Variants in AFAP1 observed in about 807,000 individuals in gnomAD.
AFAP1 encodes the protein actin filament associated protein 1, also known as actin filament-associated protein 1.
A neutral mutation model predicts 93.9 loss-of-function variants in AFAP1; 75 were observed. That is an observed-to-expected ratio of 0.80 (90% CI 0.66 to 0.97). The LOEUF (loss-of-function observed/expected upper bound fraction) is 0.97, where lower values mean the gene tolerates loss of function less well. Ranked by LOEUF, AFAP1 falls within the 50% of genes least tolerant of loss-of-function variation. AFAP1 has a pLI of 0.00. For missense variants in AFAP1, 1,201 were observed against 1,050.8 expected (o/e 1.14, Z -1.98); for synonymous variants, 517 against 430.7 (o/e 1.20, Z -2.48).
In AFAP1 at chr4:7,939,680, C is replaced by A; in HGVS notation, c.-27G>T. 2.4e-6 allele frequency: 1 copy of A among 416,656 alleles called. No homozygotes were observed. The highest frequency in any genetic ancestry group is 1.6e-5 in the South Asian group (1 of 60,906). 25.8% of individuals were successfully genotyped at this position (416,656 alleles called of 1,614,324 possible). ...CCTCAGGCCGCCACCTCGCAGCGCT[C>A]GCTCCTCGCCGCGGCGCCTGGGCCG... On this transcript the variant is annotated 5_prime_UTR_variant, in exon 1 of 18. Coordinates refer to ENST00000420658, the MANE Select transcript of AFAP1 (RefSeq NM_001134647.2). The surrounding 1 kb of genome is among the most constrained non-coding windows in gnomAD (Gnocchi z 5.6).
At chr4:7,905,999 A>T (rs989761872) in intron 1 of AFAP1, among the ~76,000 whole-genome samples, 2 of 152,212 alleles carry the variant, frequency 1.3e-5, no homozygotes, top group African/African-American at 4.8e-5. Flanking sequence ...GCCTGCTGAA[A>T]TGCCCATGCA....
At chr4:7,862,953 C>A (rs560631074) in intron 3 of AFAP1, among the ~76,000 whole-genome samples, 7 of 152,312 alleles carry the variant, frequency 4.6e-5, no homozygotes, top group African/African-American at 1.7e-4. Context: ...CTTTAGCAAG[C>A]CGGCTGCTTG....
intron 3 of AFAP1, among the ~76,000 whole-genome samples, chr4:7,864,166 C>CTTCCCAACTGCCCATCACA (rs1257426017): frequency 2.0e-5 from 3 of 151,978 alleles, no homozygotes; most frequent in African/African-American, 2.4e-5. Context: ...CATCACAACC[C>CTTCCCAACTGCCCATCACA]ACAGGTCCTT....
chr4:7,876,388 C>T (rs532947770), intron 1 of AFAP1, among the ~76,000 whole-genome samples: 29 of 152,336 alleles, frequency 1.9e-4, no homozygotes, highest in African/African-American at 6.5e-4. Context: ...ATTGGACGGC[C>T]GGATTCCAAG....
At position 7,938,505 on chromosome 4, in the gene AFAP1, G is replaced by C. The variant is rs116656376; in HGVS notation, c.-3+1151C>G. Among the ~76,000 whole-genome samples, 858 of 152,220 alleles carry C rather than the reference G, an allele frequency of 5.6e-3. 10 individuals carry two copies. Among genetic ancestry groups the C allele is most frequent in the African/African-American group, 0.02 (822 of 41,516 alleles). ...GGTGGCTGAGAAATACAGCGTCTGA[G>C]GGGCAGCATCAGGTCTTCCCATCAA... On this transcript the variant is annotated intron_variant, in intron 1 of 17. Coordinates refer to ENST00000420658, the MANE Select transcript of AFAP1 (RefSeq NM_001134647.2).
Position 7,874,530 on chromosome 4 carries a change from ATTTTTTTTTTTTT to A in AFAP1, c.-2-2463_-2-2451del, listed in dbSNP as rs71175435. Among the ~76,000 whole-genome samples, 79 of 51,518 alleles carry A rather than the reference ATTTTTTTTTTTTT, an allele frequency of 1.5e-3. 1 individual carries two copies. Among genetic ancestry groups the A allele is most frequent in the Middle Eastern group, 0.027 (2 of 74 alleles). The allele number at this position is 51,518 out of a possible 152,430, so 33.8% of individuals were successfully genotyped here. ...AGGCACCTACCACCATGCCCAGCTA[ATTTTTTTTTTTTT>A]TTTTTTTTTTTTTTTTTTTTTAGTA... On this transcript the variant is annotated intron_variant, in intron 1 of 17. Transcript: ENST00000420658.
At chr4:7,850,922 G>A (rs994078667) in intron 4 of AFAP1, among the ~76,000 whole-genome samples, 1 of 152,180 alleles carries the variant, frequency 6.6e-6, no homozygotes, top group Non-Finnish European at 1.5e-5. Flanking sequence ...CAGGTGGCAG[G>A]TCCTACCAGG....
chr4:7,868,786 T>C (rs1716724332), intron 2 of AFAP1, 67 bp from the exon 3 acceptor site: 7 of 1,384,556 alleles, frequency 5.1e-6, no homozygotes, highest in Non-Finnish European at 7.1e-6. Context: ...CACTAGCATC[T>C]ATCAGTTCCT....
At chr4:7,887,945 G>T (rs541467075) in intron 1 of AFAP1, among the ~76,000 whole-genome samples, 45 of 152,134 alleles carry the variant, frequency 3.0e-4, no homozygotes, top group African/African-American at 1.1e-3. Context: ...TCCTGCCTCA[G>T]CCTCCCAAGT....
In AFAP1 at chr4:7,855,050, C is replaced by G. The variant is rs555843491; in HGVS notation, c.334+416G>C. ...GACAGAGACGCCTGTTTGTGCTGTA[C>G]CCAATTATTTCTGGCCCAACAGCCA... On this transcript the variant is annotated intron_variant, in intron 4 of 17. Coordinates refer to ENST00000420658, the MANE Select transcript of AFAP1 (RefSeq NM_001134647.2). Among the ~76,000 whole-genome samples the G allele has an allele frequency of 1.2e-4, 18 of 152,276 alleles. No individual in the cohort carries two copies. The South Asian group carries it at 3.5e-3, about 30-fold the overall frequency.
intron 5 of AFAP1, among the ~76,000 whole-genome samples, chr4:7,840,059 C>T (rs1193006131): frequency 3.3e-5 from 5 of 152,036 alleles, no homozygotes; most frequent in Middle Eastern, 3.2e-3. Flanking sequence ...ATTATGAAAC[C>T]GAGGTGCAGC....
intron 17 of AFAP1, among the ~76,000 whole-genome samples, chr4:7,765,135 G>A (rs1037927950): frequency 3.9e-5 from 6 of 152,114 alleles, no homozygotes; most frequent in African/African-American, 1.4e-4. Context: ...GGAGACAGAG[G>A]CTTAATGACT....
At chr4:7,841,638 T>G (rs1713029300) in intron 5 of AFAP1, among the ~76,000 whole-genome samples, 1 of 152,252 alleles carries the variant, frequency 6.6e-6, no homozygotes, top group African/African-American at 2.4e-5. Context: ...TCATTATTTT[T>G]TATGCCAATG....
At chr4:7,819,859 G>C (rs1254486609) in intron 6 of AFAP1, among the ~76,000 whole-genome samples, 1 of 152,174 alleles carries the variant, frequency 6.6e-6, no homozygotes, top group Non-Finnish European at 1.5e-5. Context: ...TTTAGCCTTG[G>C]ACAAATCAAT....
At chr4:7,855,618 T>G (rs1714962781) in intron 3 of AFAP1, 44 bp from the exon 4 acceptor site, 5 of 1,453,704 alleles carry the variant, frequency 3.4e-6, no homozygotes, top group African/African-American at 1.4e-5. Context: ...GCATGACCAT[T>G]AGAAGGAAAT....
chr4:7,807,239 G>T (rs1213081370), intron 9 of AFAP1, among the ~76,000 whole-genome samples: 1 of 147,642 alleles, frequency 6.8e-6, no homozygotes, highest in Non-Finnish European at 1.5e-5. Context: ...CCTTCTTGTT[G>T]GCTAATTCCT....
chr4:7,778,686 T>C, intron 14 of AFAP1, 76 bp downstream of exon 14: 1 of 1,420,144 alleles, frequency 7.0e-7, no homozygotes, highest in Non-Finnish European at 1.0e-6. Flanking sequence ...CACTCACGGG[T>C]GGGCAGGCTC....
intron 1 of AFAP1, among the ~76,000 whole-genome samples, chr4:7,897,759 G>A (rs1718873960): frequency 6.6e-6 from 1 of 152,034 alleles, no homozygotes; most frequent in Non-Finnish European, 1.5e-5. Context: ...CCTGACCTCA[G>A]GTGATCCGCC....
rs1713423732 is a variant in AFAP1 at position 7,759,194 on chromosome 4, T to TATCTC, written c.*4566_*4570dup. ...TTTCTTGTTAGAAAATCAAAAAGAT[T>TATCTC]ATCTCATTAAAAACACCTTTGGTCC... On this transcript the variant is annotated 3_prime_UTR_variant, in exon 18 of 18. Coordinates refer to ENST00000420658, the MANE Select transcript of AFAP1 (RefSeq NM_001134647.2). 6.6e-6 allele frequency: 1 copy of TATCTC among 152,670 alleles called. No individual in the cohort carries two copies. The highest frequency in any genetic ancestry group is 1.5e-5 in the Non-Finnish European group (1 of 68,046). 9.5% of individuals were successfully genotyped at this position (152,670 alleles called of 1,614,324 possible).
Sources: allele counts gnomAD v4.1 joint callset (sites outside exome capture counted in the v4.1 genomes callset), GRCh38; gene constraint gnomAD v4.1.1; non-coding constraint Gnocchi (gnomAD v3.1); transcripts MANE v1.5; gene names NCBI Gene and HGNC (gene_info 2026-07-23, HGNC 2026-07-21).